EIF3F: variants seen among roughly 807,000 people sequenced by gnomAD.
EIF3F encodes the protein deubiquitinating enzyme eIF3f.
In EIF3F, 8 loss-of-function variants were observed where a neutral mutation model predicts 36.0. The observed-to-expected ratio is 0.22, with a 90% CI of 0.13 to 0.40. The LOEUF is 0.40. EIF3F is among the 10% of genes least tolerant of loss of function. The pLI, the probability that EIF3F is intolerant of heterozygous loss-of-function variation, is 1.00. For missense variants in EIF3F, 430 were observed against 467.6 expected (o/e 0.92, Z 0.74); for synonymous variants, 184 against 188.5 (o/e 0.98, Z 0.19).
rs1942170113 is a variant in EIF3F at position 7,997,152 on chromosome 11, G to A, written c.*1130G>A. On this transcript the variant is annotated 3_prime_UTR_variant, in exon 8 of 8. Coordinates refer to ENST00000651655, the MANE Select transcript of EIF3F (RefSeq NM_003754.3). The stretch of plus-strand genomic sequence containing the variant: ...ATAAGTTATGGGAGTCATAAAGTGT[G>A]GATAGTAATGATAGATAATTTCTTA... 1 of 152,172 alleles carries A rather than the reference G, an allele frequency of 6.6e-6. No individual in the cohort carries two copies. The highest frequency in any genetic ancestry group is 2.4e-5 in the African/African-American group (1 of 41,440). The allele number at this position is 152,172 out of a possible 1,614,324, so 9.4% of individuals were successfully genotyped here. A position where few individuals can be genotyped will look rare whatever the true frequency, so the allele number is the denominator to read the frequency against.
chr11:7,995,818 C>G (rs1942154019), intron 7 of EIF3F, 127 bp from the exon 8 acceptor site: 1 of 763,124 alleles, frequency 1.3e-6, no homozygotes. Flanking sequence ...TTTATTCAGT[C>G]TCTCCTAGCT....
chr11:7,993,075 C>T (rs1445769956), intron 4 of EIF3F, 51 bp downstream of exon 4: 2 of 1,505,882 alleles, frequency 1.3e-6, no homozygotes, highest in South Asian at 2.7e-5. Context: ...CAGATGCCAT[C>T]CCTCCCCCAC....
rs1942225579 is a variant in EIF3F at position 8,001,833 on chromosome 11, AAAT to A, written c.*5813_*5815del. On this transcript the variant is annotated 3_prime_UTR_variant, in exon 8 of 8. Coordinates refer to ENST00000651655, the MANE Select transcript of EIF3F (RefSeq NM_003754.3). ...TGTAATTTTTCAAAAAAATATATAA[AAAT>A]ATAAAAACATGAAAAACATGAAACA... The A allele has an allele frequency of 6.6e-6, 1 of 152,158 alleles. No homozygotes were observed. The highest frequency in any genetic ancestry group is 2.4e-5 in the African/African-American group (1 of 41,454). 9.4% of individuals were successfully genotyped at this position (152,158 alleles called of 1,614,324 possible). A position where few individuals can be genotyped will look rare whatever the true frequency, so the allele number is the denominator to read the frequency against.
At chr11:7,994,004 C>T (rs1047629228) in intron 4 of EIF3F, among the ~76,000 whole-genome samples, 2 of 152,110 alleles carry the variant, frequency 1.3e-5, no homozygotes, top group African/African-American at 4.8e-5. Flanking sequence ...ACTTATAGCA[C>T]CCAATGTAAT....
chr11:7,994,287 C>T, intron 4 of EIF3F, 139 bp from the exon 5 acceptor site: 2 of 698,318 alleles, frequency 2.9e-6, no homozygotes, highest in Non-Finnish European at 4.8e-6. Flanking sequence ...CCCATGAGAC[C>T]TCTGGGGTTC....
chr11:7,988,937 C>G (rs1378983342), intron 1 of EIF3F, among the ~76,000 whole-genome samples: 4 of 152,234 alleles, frequency 2.6e-5, no homozygotes, highest in African/African-American at 9.6e-5. Flanking sequence ...TCTCCTTTAT[C>G]TATCTTTGAC....
intron 1 of EIF3F, among the ~76,000 whole-genome samples, chr11:7,989,999 G>A (rs1026501720): frequency 6.6e-6 from 1 of 152,224 alleles, no homozygotes; most frequent in Non-Finnish European, 1.5e-5. Flanking sequence ...AAGCTCTTTG[G>A]GGAAGCTCCT....
rs1293206308 is a variant in EIF3F at position 8,001,575 on chromosome 11, A to G, written c.*5553A>G. The G allele has an allele frequency of 6.6e-6, 1 of 152,216 alleles. No individual in the cohort carries two copies. Among genetic ancestry groups the G allele is most frequent in the African/African-American group, 2.4e-5 (1 of 41,456 alleles). 9.4% of individuals were successfully genotyped at this position (152,216 alleles called of 1,614,324 possible). ...TAAGCAGAATGAGACAGTCCTCTAT[A>G]TATCAATATGGATAAAGAGTAAGTG... On this transcript the variant is annotated 3_prime_UTR_variant, in exon 8 of 8. Coordinates refer to ENST00000651655, the MANE Select transcript of EIF3F (RefSeq NM_003754.3).
chr11:7,994,368 A>G (rs1408763344), intron 4 of EIF3F, 58 bp from the exon 5 acceptor site: 10 of 1,477,976 alleles, frequency 6.8e-6, no homozygotes, highest in South Asian at 1.2e-5. Flanking sequence ...TCAGCCCAGA[A>G]TAGACATGGA....
In EIF3F at chr11:7,992,183, G is replaced by T. The variant is rs377659463; in HGVS notation, c.515+20G>T. ...GGGCTGGTAAGTTGGGGAGGTGGGGGCTGGGGTTAATGGAAGGTCTCTTCG... is the reference window on the plus strand; with the variant it reads ...GGGCTGGTAAGTTGGGGAGGTGGGGTCTGGGGTTAATGGAAGGTCTCTTCG... On this transcript the variant is annotated intron_variant, in intron 3 of 7. Coordinates refer to ENST00000651655, the MANE Select transcript of EIF3F (RefSeq NM_003754.3). 1.5e-5 allele frequency: 24 copies of T among 1,599,492 alleles called. No individual in the cohort carries two copies. Among genetic ancestry groups the T allele is most frequent in the East Asian group, 4.5e-5 (2 of 44,846 alleles).
intron 3 of EIF3F, 88 bp from the exon 4 acceptor site, chr11:7,992,799 C>T (rs1224527469): frequency 1.0e-5 from 16 of 1,576,070 alleles, no homozygotes; most frequent in African/African-American, 2.7e-5. Context: ...TAGAAGTGTC[C>T]GGTACCCTGA....
chr11:8,001,054 A>T lies in EIF3F; in HGVS notation c.*5032A>T, dbSNP rs751152709. The T allele has an allele frequency of 6.6e-6, 1 of 152,254 alleles. No homozygotes were observed. The highest frequency in any genetic ancestry group is 1.5e-5 in the Non-Finnish European group (1 of 68,038). 9.4% of individuals were successfully genotyped at this position (152,254 alleles called of 1,614,324 possible). A position where few individuals can be genotyped will look rare whatever the true frequency, so the allele number is the denominator to read the frequency against. On this transcript the variant is annotated 3_prime_UTR_variant, in exon 8 of 8. Transcript: ENST00000651655. ...AAAGGGCTAATATTCTTGTCCCAGA[A>T]TTCCTACAGTTTTTTAAGGCCAGTA...
rs1243554588 is a variant in EIF3F, at chr11:7,996,426, A to T, written c.*404A>T. ...GAGAAAAAATAGCTAAGAAAATTGG[A>T]TGCTTAATCTGAACTAAAAGAGTAG... is the stretch of plus-strand genomic sequence containing the variant. On this transcript the variant is annotated 3_prime_UTR_variant, in exon 8 of 8. Coordinates refer to ENST00000651655, the MANE Select transcript of EIF3F (RefSeq NM_003754.3). 5.7e-6 allele frequency: 1 copy of T among 174,540 alleles called. No individual in the cohort carries two copies. The highest frequency in any genetic ancestry group is 1.2e-5 in the Non-Finnish European group (1 of 81,652). 10.8% of individuals were successfully genotyped at this position (174,540 alleles called of 1,614,324 possible).
Position 7,998,081 on chromosome 11 carries a change from A to T in EIF3F, c.*2059A>T, listed in dbSNP as rs1300384208. On this transcript the variant is annotated 3_prime_UTR_variant, in exon 8 of 8. Coordinates refer to ENST00000651655, the MANE Select transcript of EIF3F (RefSeq NM_003754.3). ...AATCCTCCACGGATACTAAACGGTG[A>T]CTGTGTGTGTATATATATATGTATA... is the stretch of plus-strand genomic sequence containing the variant. The T allele has an allele frequency of 6.8e-6, 1 of 147,756 alleles. No individual in the cohort carries two copies. Among genetic ancestry groups the T allele is most frequent in the Non-Finnish European group, 1.5e-5 (1 of 66,184 alleles). The allele number at this position is 147,756 out of a possible 1,614,324, so 9.2% of individuals were successfully genotyped here.
At chr11:7,995,601 G>GACTT (rs1380916896) in intron 7 of EIF3F, 3 of 588,376 alleles carry the variant, frequency 5.1e-6, no homozygotes, top group East Asian at 5.6e-5. Context: ...ATACTACTGT[G>GACTT]ACTTACTGTC....
Position 7,995,048 on chromosome 11 carries a change from A to G in EIF3F, c.812A>G (p.Gln271Arg). 6.2e-7 allele frequency: 1 copy of G among 1,613,972 alleles called. No homozygotes were observed. Among genetic ancestry groups the G allele is most frequent in the Non-Finnish European group, 8.5e-7 (1 of 1,179,896 alleles). Residue 271 changes from glutamine to arginine, a missense_variant, in exon 6 of 8, where the codon CAA (glutamine) becomes CGA (arginine). By Grantham distance (43) the Gln-to-Arg change is conservative. Transcript: ENST00000651655. Reference sequence around the variant, plus strand: ...ATTGGACTCTCAAGTGACTTGCAGCAAGTAGGAGGGGCATCAGCTCGCATC... The same window carrying G: ...ATTGGACTCTCAAGTGACTTGCAGCGAGTAGGAGGGGCATCAGCTCGCATC... ...RVIGLSSDLQQVGGASARIQD... is the reference protein window; with the variant it reads ...RVIGLSSDLQRVGGASARIQD...
At chr11:7,992,560 G>C (rs1942109473) in intron 3 of EIF3F, 4 of 436,784 alleles carry the variant, frequency 9.2e-6, no homozygotes. Context: ...CTGAGTGACA[G>C]AGTGCGACCC....
intron 4 of EIF3F, among the ~76,000 whole-genome samples, chr11:7,993,262 C>G (rs1942118925): frequency 6.6e-6 from 1 of 152,214 alleles, no homozygotes; most frequent in South Asian, 2.1e-4. Flanking sequence ...AGTATTTGAG[C>G]AAGCTGTCAA....
chr11:7,995,886 A>C, intron 7 of EIF3F, 59 bp from the exon 8 acceptor site: 1 of 1,478,804 alleles, frequency 6.8e-7, no homozygotes, highest in African/African-American at 1.4e-5. Context: ...GGCCAAAGCC[A>C]GCCTTTTTGC....
Sources: gnomAD v4.1 joint callset for allele counts (sites outside exome capture counted in the v4.1 genomes callset) on GRCh38, gnomAD v4.1.1 for gene constraint, MANE v1.5 for transcripts, NCBI Gene and HGNC (gene_info 2026-07-23, HGNC 2026-07-21) for gene names.